KITLG: variants seen among roughly 807,000 people sequenced by gnomAD.
KITLG encodes the protein KIT ligand.
A neutral mutation model predicts 34.1 loss-of-function variants in KITLG; 13 were observed. The observed-to-expected ratio is 0.38, with a 90% CI of 0.25 to 0.61. The LOEUF (loss-of-function observed/expected upper bound fraction) is 0.61. Among genes scored for constraint, KITLG ranks in the 20% least tolerant of loss-of-function variants. The pLI is 0.60. For synonymous variants in KITLG, 110 were observed against 104.0 expected, an observed-to-expected ratio of 1.06 and a Z score of -0.35; for missense variants, 292 against 318.9, an observed-to-expected ratio of 0.92 and a Z score of 0.64.
Position 88,494,316 on chromosome 12 carries a change from T to C in KITLG, c.*2903A>G, listed in dbSNP as rs966111100. 1 of 152,004 alleles carries C rather than the reference T, an allele frequency of 6.6e-6. No homozygotes were observed. The highest frequency in any genetic ancestry group is 1.5e-5 in the Non-Finnish European group (1 of 67,870). 9.4% of individuals were successfully genotyped at this position (152,004 alleles called of 1,614,324 possible). A position where few individuals can be genotyped will look rare whatever the true frequency, so the allele number is the denominator to read the frequency against. Reference sequence around the variant, plus strand: ...TGGCTGCAGTAAAATATTTTTAAAATCCATGATTTCTGAATGAGTTTTTCT... The same window carrying C: ...TGGCTGCAGTAAAATATTTTTAAAACCCATGATTTCTGAATGAGTTTTTCT... On this transcript the variant is annotated 3_prime_UTR_variant, in exon 10 of 10. Transcript: ENST00000644744.
intron 9 of KITLG, among the ~76,000 whole-genome samples, chr12:88,501,005 C>A (rs1868834445): frequency 6.6e-6 from 1 of 152,140 alleles, no homozygotes. Flanking sequence ...GTCTCGAACT[C>A]CTGGGCTCAA....
intron 3 of KITLG, among the ~76,000 whole-genome samples, chr12:88,522,530 C>G (rs981523520): frequency 6.6e-6 from 1 of 150,396 alleles, no homozygotes; most frequent in East Asian, 2.0e-4. Context: ...TGGGTTCAAG[C>G]GATTCTCCTG....
chr12:88,495,736 T>TA lies in KITLG; in HGVS notation c.*1482dup, dbSNP rs748276334. ...GTCACTACATTGAAAACTGTCATCTTACGGTTGTAGAACATGGCAATAATG... is the reference window on the plus strand; with the variant it reads ...GTCACTACATTGAAAACTGTCATCTTAACGGTTGTAGAACATGGCAATAATG... On this transcript the variant is annotated 3_prime_UTR_variant, in exon 10 of 10. Transcript: ENST00000644744. 7.2e-5 allele frequency: 11 copies of TA among 152,464 alleles called. 1 individual carries two copies. The East Asian group carries it at 1.7e-3, about 24-fold the overall frequency. The allele number at this position is 152,464 out of a possible 1,614,324, so 9.4% of individuals were successfully genotyped here.
intron 1 of KITLG, among the ~76,000 whole-genome samples, chr12:88,555,175 C>T (rs762158082): frequency 2.0e-5 from 3 of 152,078 alleles, no homozygotes; most frequent in Non-Finnish European, 4.4e-5. Flanking sequence ...TCAAGGTATT[C>T]AATGCATGAG....
Position 88,495,376 on chromosome 12 carries a change from A to T in KITLG, c.*1843T>A, listed in dbSNP as rs372390336. ...AAAACAGTCAATGCCACACACTGAG[A>T]CAGGACCTATCAGCAATTTAAATTG... On this transcript the variant is annotated 3_prime_UTR_variant, in exon 10 of 10. Coordinates refer to ENST00000644744, the MANE Select transcript of KITLG (RefSeq NM_000899.5). The T allele has an allele frequency of 3.3e-5, 5 of 152,294 alleles. No individual in the cohort carries two copies. The South Asian group carries it at 1.0e-3, about 32-fold the overall frequency. The allele number at this position is 152,294 out of a possible 1,614,324, so 9.4% of individuals were successfully genotyped here.
intron 1 of KITLG, among the ~76,000 whole-genome samples, chr12:88,578,400 C>CG (rs1296279567): frequency 6.6e-6 from 1 of 152,098 alleles, no homozygotes; most frequent in Non-Finnish European, 1.5e-5. Flanking sequence ...GATGTGTGAC[C>CG]GAACAGGTCA....
chr12:88,551,967 A>T (rs1413474621), intron 1 of KITLG, among the ~76,000 whole-genome samples: 1 of 152,106 alleles, frequency 6.6e-6, no homozygotes, highest in Non-Finnish European at 1.5e-5. Context: ...GGTCGGGGAA[A>T]TGTGACCTGA....
chr12:88,552,790 T>C (rs1375587983), intron 1 of KITLG, among the ~76,000 whole-genome samples: 2 of 151,926 alleles, frequency 1.3e-5, no homozygotes, highest in African/African-American at 4.8e-5. Context: ...TTGGAAACCA[T>C]GGGCAGAACA....
chr12:88,566,731 TG>T (rs747353602), intron 1 of KITLG, among the ~76,000 whole-genome samples: 2 of 152,216 alleles, frequency 1.3e-5, no homozygotes, highest in Non-Finnish European at 2.9e-5. Flanking sequence ...GCTGAGGGTT[TG>T]GACTTTATCC....
intron 1 of KITLG, among the ~76,000 whole-genome samples, chr12:88,565,092 T>C (rs1871402103): frequency 6.6e-6 from 1 of 152,246 alleles, no homozygotes; most frequent in South Asian, 2.1e-4. Flanking sequence ...ATCATTCTAA[T>C]AGAATCATCT....
chr12:88,540,966 C>T (rs1317269665), intron 2 of KITLG, among the ~76,000 whole-genome samples: 1 of 152,076 alleles, frequency 6.6e-6, no homozygotes, highest in Non-Finnish European at 1.5e-5. Flanking sequence ...GTGAAATCTT[C>T]ACTATTAATG....
intron 1 of KITLG, among the ~76,000 whole-genome samples, chr12:88,576,224 C>T (rs1412674584): frequency 1.3e-5 from 2 of 152,096 alleles, no homozygotes; most frequent in African/African-American, 2.4e-5. Flanking sequence ...CCTTCAAAAA[C>T]GTAGCACCTC....
intron 6 of KITLG, among the ~76,000 whole-genome samples, chr12:88,511,864 A>T (rs1406272718): frequency 6.6e-6 from 1 of 152,172 alleles, no homozygotes; most frequent in African/African-American, 2.4e-5. Context: ...GAAAGTTTAA[A>T]AACAAGGCTG....
intron 1 of KITLG, among the ~76,000 whole-genome samples, chr12:88,567,553 C>G (rs778259395): frequency 1.3e-5 from 2 of 152,058 alleles, no homozygotes; most frequent in Non-Finnish European, 2.9e-5. Context: ...ACAACCAAGC[C>G]CTTAAACTAA....
At chr12:88,549,070 C>G (rs1402170892) in intron 1 of KITLG, among the ~76,000 whole-genome samples, 1 of 152,056 alleles carries the variant, frequency 6.6e-6, no homozygotes, top group African/African-American at 2.4e-5. Context: ...GTACTGCATA[C>G]AGAGAGAAAA....
intron 2 of KITLG, chr12:88,534,770 C>T (rs1870245866): frequency 2.2e-6 from 1 of 450,278 alleles, no homozygotes; most frequent in Non-Finnish European, 4.3e-6. Context: ...TAACTTTCTT[C>T]CTCTCAAACT....
At chr12:88,555,366 G>A (rs1871061527) in intron 1 of KITLG, among the ~76,000 whole-genome samples, 1 of 152,164 alleles carries the variant, frequency 6.6e-6, no homozygotes, top group South Asian at 2.1e-4. Context: ...ACCCTACTCT[G>A]CAGGTGAGCA....
At chr12:88,547,712 C>G (rs1238687305) in intron 1 of KITLG, among the ~76,000 whole-genome samples, 1 of 152,212 alleles carries the variant, frequency 6.6e-6, no homozygotes, top group African/African-American at 2.4e-5. Context: ...ATGGACCAAT[C>G]TCAGAAATGA....
chr12:88,556,401 G>A (rs574438200), intron 1 of KITLG, among the ~76,000 whole-genome samples: 13 of 152,178 alleles, frequency 8.5e-5, no homozygotes, highest in African/African-American at 3.1e-4. Flanking sequence ...GGGGGAGAGA[G>A]GGCAACAAAC....
Sources: allele counts gnomAD v4.1 joint callset (sites outside exome capture counted in the v4.1 genomes callset), GRCh38; gene constraint gnomAD v4.1.1; transcripts MANE v1.5; gene names NCBI Gene and HGNC (gene_info 2026-07-23, HGNC 2026-07-21).